The following DMD variants were observed in gnomAD, a reference collection of about 807,000 sequenced individuals.
DMD encodes the protein dystrophin.
In DMD, 63 loss-of-function variants were observed where a neutral mutation model predicts 330.1. The ratio of observed to expected loss-of-function variants is 0.19; its 90% CI spans 0.16 to 0.24. The LOEUF is 0.24. DMD is among the 10% of genes least tolerant of loss of function. The pLI is 1.00. For missense variants in DMD, 3,344 were observed against 2,684.1 expected, an observed-to-expected ratio of 1.25 and a Z score of -5.43; for synonymous variants, 1,223 against 959.8, an observed-to-expected ratio of 1.27 and a Z score of -5.07.
chrX:33,067,508 T>C (rs752653948), intron 1 of DMD, among the ~76,000 whole-genome samples: 1 of 112,122 alleles, frequency 8.9e-6, no homozygotes, highest in South Asian at 3.7e-4. Context: ...AGTGCAGTGT[T>C]TGGGAACTAA....
At chrX:31,480,549 CAT>C (rs1491477677) in intron 57 of DMD, among the ~76,000 whole-genome samples, 1,055 of 75,368 alleles carry the variant, frequency 0.014, 14 homozygotes, top group African/African-American at 0.05. Flanking sequence ...TTGAAATCTC[CAT>C]GTTTGTGTGT....
intron 51 of DMD, among the ~76,000 whole-genome samples, chrX:31,747,687 G>T (rs1455891687): frequency 9.0e-6 from 1 of 111,675 alleles, no homozygotes; most frequent in Non-Finnish European, 1.9e-5. Context: ...CTGTTTGATA[G>T]GGAAATGTGC....
intron 1 of DMD, among the ~76,000 whole-genome samples, chrX:33,248,836 G>C (rs1603425141): frequency 8.9e-6 from 1 of 112,194 alleles, no homozygotes; most frequent in South Asian, 3.6e-4. Flanking sequence ...GATTGATCCA[G>C]AATCATGAGC....
At position 32,802,451 on chromosome X, in the gene DMD, A is replaced by C. The variant is rs773945555; in HGVS notation, c.649+7042T>G. ...ATACAATCATGTCATCTGCAAACAG[A>C]GAATTTGAATACCCTTTCTTTCTCC... is the stretch of plus-strand genomic sequence containing the variant. On this transcript the variant is annotated intron_variant, in intron 7 of 78. Coordinates refer to ENST00000357033, the MANE Select transcript of DMD (RefSeq NM_004006.3). Among the ~76,000 whole-genome samples the C allele has an allele frequency of 3.6e-5, 4 of 110,870 alleles. No homozygotes were observed. The South Asian group carries it at 1.5e-3, about 42-fold the overall frequency.
chrX:32,724,755 T>C (rs1014557224), intron 7 of DMD, among the ~76,000 whole-genome samples: 2 of 112,026 alleles, frequency 1.8e-5, no homozygotes, highest in African/African-American at 6.5e-5. Flanking sequence ...AATGATGAAC[T>C]AAAAATACTA....
At chrX:32,521,783 G>A (rs868135949) in intron 17 of DMD, among the ~76,000 whole-genome samples, 2 of 111,867 alleles carry the variant, frequency 1.8e-5, no homozygotes, top group East Asian at 5.7e-4. Context: ...CTTCATCTCC[G>A]CTATGGACTG....
intron 17 of DMD, among the ~76,000 whole-genome samples, chrX:32,541,132 T>C (rs766304488): frequency 5.4e-5 from 6 of 111,717 alleles, no homozygotes; most frequent in African/African-American, 1.9e-4. Flanking sequence ...TTCACAGAAC[T>C]AGAGATGTCA....
chrX:32,408,244 T>C (rs779062989), intron 30 of DMD, among the ~76,000 whole-genome samples: 1 of 112,088 alleles, frequency 8.9e-6, no homozygotes, highest in South Asian at 3.7e-4. Flanking sequence ...GCTTTGCTTC[T>C]GTAGGTAAGC....
At chrX:32,009,039 G>C (rs1318727588) in intron 44 of DMD, among the ~76,000 whole-genome samples, 1 of 111,136 alleles carries the variant, frequency 9.0e-6, no homozygotes, top group African/African-American at 3.3e-5. Context: ...ATAACATAGC[G>C]GTATAGTGAG....
chrX:32,842,890 C>G (rs2080298000), intron 4 of DMD, among the ~76,000 whole-genome samples: 1 of 111,454 alleles, frequency 9.0e-6, no homozygotes, highest in South Asian at 3.8e-4. Context: ...TCACTGCAAC[C>G]TCAGCCTCTG....
At chrX:32,657,401 T>C (rs2060650686) in intron 9 of DMD, among the ~76,000 whole-genome samples, 1 of 112,254 alleles carries the variant, frequency 8.9e-6, no homozygotes, top group Non-Finnish European at 1.9e-5. Context: ...AGAAATTTAT[T>C]AGATGGCACA....
At chrX:32,998,034 A>G (rs1817004891) in intron 2 of DMD, among the ~76,000 whole-genome samples, 1 of 110,192 alleles carries the variant, frequency 9.1e-6, no homozygotes, top group African/African-American at 3.3e-5. Flanking sequence ...TTTCTTGTTG[A>G]TATCTCTTTT....
At chrX:31,702,739 C>T (rs2083900337) in intron 52 of DMD, among the ~76,000 whole-genome samples, 1 of 110,903 alleles carries the variant, frequency 9.0e-6, no homozygotes, top group South Asian at 3.8e-4. Flanking sequence ...CAAGTATTGG[C>T]ATTTTTTTTA....
intron 12 of DMD, among the ~76,000 whole-genome samples, chrX:32,599,706 A>C (rs1193213474): frequency 8.9e-6 from 1 of 111,741 alleles, no homozygotes; most frequent in Non-Finnish European, 1.9e-5. Context: ...CCTTTATTAA[A>C]AGCTTCCAGA....
chrX:32,724,855 CAT>C (rs2066698022), intron 7 of DMD, among the ~76,000 whole-genome samples: 1 of 111,665 alleles, frequency 9.0e-6, no homozygotes, highest in South Asian at 3.7e-4. Context: ...AAATGTTTAT[CAT>C]ATGTTAATTA....
At chrX:32,661,352 T>C (rs1473496079) in intron 9 of DMD, among the ~76,000 whole-genome samples, 1 of 109,902 alleles carries the variant, frequency 9.1e-6, no homozygotes, top group Non-Finnish European at 1.9e-5. Context: ...TAATTTAACC[T>C]CACAACATAA....
intron 7 of DMD, among the ~76,000 whole-genome samples, chrX:32,716,010 C>T (rs1326239131): frequency 9.0e-6 from 1 of 111,636 alleles, no homozygotes; most frequent in Non-Finnish European, 1.9e-5. Flanking sequence ...ATGAGAAAAT[C>T]ATATTATTTT....
chrX:32,977,440 A>T (rs1235330091), intron 2 of DMD, among the ~76,000 whole-genome samples: 3 of 111,733 alleles, frequency 2.7e-5, no homozygotes, highest in Non-Finnish European at 5.6e-5. Context: ...CTTGGTTCTA[A>T]AGAAGATGGA....
At chrX:31,882,838 T>A (rs1395751644) in intron 47 of DMD, among the ~76,000 whole-genome samples, 1 of 111,933 alleles carries the variant, frequency 8.9e-6, no homozygotes, top group East Asian at 2.8e-4. Context: ...ATACATACTC[T>A]TGATGAATAT....
Sources: allele counts gnomAD v4.1 joint callset (sites outside exome capture counted in the v4.1 genomes callset), GRCh38; gene constraint gnomAD v4.1.1; transcripts MANE v1.5; gene names NCBI Gene and HGNC (gene_info 2026-07-23, HGNC 2026-07-21).